Variants in ITPKA observed in about 807,000 individuals in gnomAD.
The protein encoded by ITPKA is inositol-trisphosphate 3-kinase A.
ITPKA carries 16 observed loss-of-function variants against 40.7 expected under a neutral mutation model. The ratio of observed to expected loss-of-function variants is 0.39; its 90% CI spans 0.27 to 0.60. ITPKA has a LOEUF of 0.60. Ranked by LOEUF, ITPKA falls within the 20% of genes least tolerant of loss-of-function variation. ITPKA has a pLI of 0.50. For synonymous variants in ITPKA, 313 were observed against 289.9 expected (o/e 1.08, Z -0.81); for missense variants, 540 against 649.3 (o/e 0.83, Z 1.83).
chr15:41,498,786 C>T (rs1425154801), intron 1 of ITPKA, among the ~76,000 whole-genome samples: 1 of 152,230 alleles, frequency 6.6e-6, no homozygotes, highest in Admixed American at 6.5e-5. Context: ...CATCACTTCA[C>T]CACGCACAAA....
Position 41,503,467 on chromosome 15 carries a change from GATTTT to G in ITPKA, c.*306_*310del, listed in dbSNP as rs2051141019. ...CCCTCTCCAGAGGTGCCAGACCGCG[GATTTT>G]ATTTAGCAAGCCCAGACCTTCCGGT... On this transcript the variant is annotated 3_prime_UTR_variant, in exon 7 of 7. Transcript: ENST00000260386. 1 of 630,586 alleles carries G rather than the reference GATTTT, an allele frequency of 1.6e-6. No individual in the cohort carries two copies. The allele number at this position is 630,586 out of a possible 1,614,324, so 39.1% of individuals were successfully genotyped here.
At chr15:41,497,520 G>A (rs570078796) in intron 1 of ITPKA, among the ~76,000 whole-genome samples, 26 of 152,166 alleles carry the variant, frequency 1.7e-4, no homozygotes, top group Non-Finnish European at 2.9e-4. Flanking sequence ...CAGCCACCGC[G>A]CCTGGGCTTA....
At chr15:41,500,735 T>C (rs774071026) in intron 1 of ITPKA, among the ~76,000 whole-genome samples, 15 of 152,054 alleles carry the variant, frequency 9.9e-5, no homozygotes, top group Non-Finnish European at 2.2e-4. Context: ...GGGCCGGGCC[T>C]GGTGGCTCAC....
intron 1 of ITPKA, among the ~76,000 whole-genome samples, chr15:41,497,814 G>C (rs1363793623): frequency 6.6e-6 from 1 of 152,014 alleles, no homozygotes; most frequent in African/African-American, 2.4e-5. Context: ...GAACCCCGGA[G>C]TTCGAGGCCA....
In ITPKA at chr15:41,494,451, C is replaced by G; in HGVS notation, c.489+35C>G. 1 of 1,358,424 alleles carries G rather than the reference C, an allele frequency of 7.4e-7. No individual in the cohort carries two copies. The highest frequency in any genetic ancestry group is 9.6e-7 in the Non-Finnish European group (1 of 1,046,408). The allele number at this position is 1,358,424 out of a possible 1,614,324, so 84.1% of individuals were successfully genotyped here. On this transcript the variant is annotated intron_variant, in intron 1 of 6. Transcript: ENST00000260386. This position sits in a 1 kb window ranked among gnomAD's most constrained non-coding sequence, Gnocchi z 7.8. ...GCGGGGGCGGGGCCAGCGCCGGGCG[C>G]GGGGGCTGCACGGGGGACCTGGCTG...
rs548783264 is a variant in ITPKA at position 41,495,948 on chromosome 15, G to A, written c.489+1532G>A. On this transcript the variant is annotated intron_variant, in intron 1 of 6. Transcript: ENST00000260386. ...TGGGTGTAGAGACCGCCCCGGCTAA[G>A]GTCAAGCCTCGGGGACCTGGGCGAC... 2.6e-5 allele frequency among the ~76,000 whole-genome samples: 4 copies of A among 152,334 alleles called. No individual in the cohort carries two copies. In the South Asian group the frequency reaches 8.3e-4, roughly 32 times the overall value.
intron 5 of ITPKA, 110 bp from the exon 6 acceptor site, chr15:41,502,678 C>T: frequency 8.8e-7 from 1 of 1,136,224 alleles, no homozygotes. Context: ...CTGGGTCCTC[C>T]TCCTGGCGGC....
At position 41,496,490 on chromosome 15, in the gene ITPKA, A is replaced by G. The variant is rs371896650; in HGVS notation, c.489+2074A>G. Among the ~76,000 whole-genome samples, 546 of 152,324 alleles carry G rather than the reference A, an allele frequency of 3.6e-3. 5 individuals carry two copies. The highest frequency in any genetic ancestry group is 0.017 in the South Asian group (82 of 4,822). On this transcript the variant is annotated intron_variant, in intron 1 of 6. Transcript: ENST00000260386. ...TCACTCCGGCAGAGGAAAAAGTCACAGGCAGGCTTTTCCTAACCAGCCAGG... is the reference window on the plus strand; with the variant it reads ...TCACTCCGGCAGAGGAAAAAGTCACGGGCAGGCTTTTCCTAACCAGCCAGG...
chr15:41,502,714 G>A, intron 5 of ITPKA, 74 bp from the exon 6 acceptor site: 5 of 1,374,268 alleles, frequency 3.6e-6, no homozygotes, highest in East Asian at 5.0e-5. Flanking sequence ...CGTGGGTCCC[G>A]GCTCCTCATC....
intron 1 of ITPKA, among the ~76,000 whole-genome samples, chr15:41,499,461 C>A (rs2051095505): frequency 6.6e-6 from 1 of 152,184 alleles, no homozygotes; most frequent in Non-Finnish European, 1.5e-5. Context: ...ACACAGATGG[C>A]AGTACTTGGT....
At chr15:41,497,593 G>A (rs2051082720) in intron 1 of ITPKA, among the ~76,000 whole-genome samples, 1 of 152,234 alleles carries the variant, frequency 6.6e-6, no homozygotes, top group South Asian at 2.1e-4. Context: ...GAAGGTGGCA[G>A]TGATTTGAGT....
In ITPKA at chr15:41,501,831, C is replaced by T. The variant is rs200800355; in HGVS notation, c.783C>T (p.Leu261=). Residue 261 remains leucine (L), a synonymous_variant, in exon 3 of 7, where the codon CTC becomes CTT. Coordinates refer to ENST00000260386, the MANE Select transcript of ITPKA (RefSeq NM_002220.3). ...LLDGFDGPCV[L]DCKMGVRTYL... ...ATGGCTTCGACGGACCTTGTGTGCT[C>T]GACTGCAAAATGGGCGTCAGGTATG... 295 of 1,613,062 alleles carry T rather than the reference C, an allele frequency of 1.8e-4. No homozygotes were observed. The highest frequency in any genetic ancestry group is 2.4e-4 in the Non-Finnish European group (280 of 1,179,816).
chr15:41,498,275 C>T (rs1197658107), intron 1 of ITPKA, among the ~76,000 whole-genome samples: 1 of 144,914 alleles, frequency 6.9e-6, no homozygotes, highest in East Asian at 2.0e-4. Context: ...CACTGGACTC[C>T]AGCCTGGACA....
intron 1 of ITPKA, among the ~76,000 whole-genome samples, chr15:41,496,840 C>T (rs1407667391): frequency 6.6e-6 from 1 of 152,180 alleles, no homozygotes; most frequent in Admixed American, 6.5e-5. Flanking sequence ...TAAATTTAAA[C>T]TGATTGCTCT....
chr15:41,499,444 CAG>C (rs1220928513), intron 1 of ITPKA, among the ~76,000 whole-genome samples: 1 of 152,176 alleles, frequency 6.6e-6, no homozygotes, highest in Non-Finnish European at 1.5e-5. Flanking sequence ...CCAGGGGAAA[CAG>C]GCCCACACAG....
chr15:41,502,909 C>G, intron 6 of ITPKA, 50 bp downstream of exon 6: 1 of 1,605,344 alleles, frequency 6.2e-7, no homozygotes. Context: ...AGGGCGGGAA[C>G]CCGGCAAGGG....
intron 1 of ITPKA, among the ~76,000 whole-genome samples, chr15:41,495,895 G>T (rs138937875): frequency 1.3e-5 from 2 of 152,238 alleles, no homozygotes; most frequent in Non-Finnish European, 2.9e-5. Context: ...GAGGGAGTGC[G>T]CTAGGAGGAG....
chr15:41,503,053 G>A lies in ITPKA; in HGVS notation c.1273G>A (p.Asp425Asn), dbSNP rs775913660. 6.2e-7 allele frequency: 1 copy of A among 1,610,068 alleles called. No individual in the cohort carries two copies. The highest frequency in any genetic ancestry group is 1.1e-5 in the South Asian group (1 of 90,916). The part of the protein sequence containing the change: ...IDFGKTTPLP[D>N]GQILDHRRPW... ...CTTCGGCAAGACCACGCCCCTCCCC[G>A]ATGGCCAGATCCTGGACCACCGGCG... The change falls in exon 7 of 7, where the codon GAT (aspartate) becomes AAT (asparagine). Residue 425 changes from aspartate to asparagine, a missense_variant. Transcript: ENST00000260386.
chr15:41,501,406 G>A, intron 1 of ITPKA, 57 bp from the exon 2 acceptor site: 1 of 1,553,150 alleles, frequency 6.4e-7, no homozygotes, highest in Non-Finnish European at 8.7e-7. Context: ...TCAGTGGAGG[G>A]AGGGCTTATG....
Sources: gnomAD v4.1 joint callset for allele counts (sites outside exome capture counted in the v4.1 genomes callset) on GRCh38, gnomAD v4.1.1 for gene constraint, Gnocchi (gnomAD v3.1) non-coding constraint, MANE v1.5 for transcripts, NCBI Gene and HGNC (gene_info 2026-07-23, HGNC 2026-07-21) for gene names.